The following FAF1 variants were observed in gnomAD, a reference collection of about 807,000 sequenced individuals.
FAF1 encodes FAS-associated factor 1.
Under a neutral mutation model 92.5 loss-of-function variants are expected in FAF1, and 25 were observed. That is an observed-to-expected ratio of 0.27 (90% CI 0.20 to 0.38). The LOEUF (loss-of-function observed/expected upper bound fraction) is 0.38. FAF1 is among the 10% of genes least tolerant of loss of function. FAF1 has a pLI of 1.00. For synonymous variants in FAF1, 234 were observed against 273.2 expected (o/e 0.86, Z 1.42); for missense variants, 636 against 793.3 (o/e 0.80, Z 2.38).
intron 15 of FAF1, among the ~76,000 whole-genome samples, chr1:50,511,915 T>C (rs931791570): frequency 2.6e-5 from 4 of 152,262 alleles, no homozygotes; most frequent in African/African-American, 7.2e-5. Context: ...TATTGTTCCC[T>C]GACTTTTTAA....
At position 50,711,463 on chromosome 1, in the gene FAF1, C is replaced by CTTT. The variant is rs1160668174; in HGVS notation, c.552-5575_552-5573dup. Among the ~76,000 whole-genome samples, 138 of 81,980 alleles carry CTTT rather than the reference C, an allele frequency of 1.7e-3. 1 individual carries two copies. The highest frequency in any genetic ancestry group is 0.01 in the Middle Eastern group (1 of 96). The allele number at this position is 81,980 out of a possible 152,430, so 53.8% of individuals were successfully genotyped here. A position where few individuals can be genotyped will look rare whatever the true frequency, so the allele number is the denominator to read the frequency against. On this transcript the variant is annotated intron_variant, in intron 6 of 18. Transcript: ENST00000396153. ...TTGTGCCTAATGTTATCCACACTGA[C>CTTT]TTTTTTTTTTTTTTTTTTTTTTTTG...
intron 2 of FAF1, among the ~76,000 whole-genome samples, chr1:50,817,201 T>C (rs998009859): frequency 7.9e-5 from 12 of 152,312 alleles, no homozygotes; most frequent in Non-Finnish European, 1.5e-4. Flanking sequence ...TGTATGTTCA[T>C]AGGAGCATTA....
At position 50,501,784 on chromosome 1, in the gene FAF1, G is replaced by A. The variant is rs143168205; in HGVS notation, c.1495-9983C>T. ...GTAAAACTACTTTGGAAAACACTTCGGCAGTTTGTTAGAAAGTTATGCATC... is the reference window on the plus strand; with the variant it reads ...GTAAAACTACTTTGGAAAACACTTCAGCAGTTTGTTAGAAAGTTATGCATC... On this transcript the variant is annotated intron_variant, in intron 15 of 18. Transcript: ENST00000396153. Among the ~76,000 whole-genome samples the A allele has an allele frequency of 7.9e-4, 121 of 152,228 alleles. 1 individual carries two copies. The Middle Eastern group carries it at 0.01, about 13-fold the overall frequency.
intron 1 of FAF1, among the ~76,000 whole-genome samples, chr1:50,867,256 A>G (rs530519300): frequency 3.3e-5 from 5 of 152,300 alleles, no homozygotes; most frequent in African/African-American, 1.2e-4. Context: ...TGGAAAAACT[A>G]TTCTTGACAT....
chr1:50,444,039 A>G (rs190623243), intron 18 of FAF1, among the ~76,000 whole-genome samples: 295 of 152,342 alleles, frequency 1.9e-3, no homozygotes, highest in Non-Finnish European at 3.5e-3. Context: ...GTGCCCTAAA[A>G]ATAAAATCAA....
At chr1:50,925,913 A>G (rs1340810942) in intron 1 of FAF1, among the ~76,000 whole-genome samples, 1 of 152,224 alleles carries the variant, frequency 6.6e-6, no homozygotes, top group African/African-American at 2.4e-5. Flanking sequence ...CTATTCCTCC[A>G]TGAAAAAGAA....
At chr1:50,786,487 G>C (rs1373181720) in intron 4 of FAF1, among the ~76,000 whole-genome samples, 1 of 152,228 alleles carries the variant, frequency 6.6e-6, no homozygotes, top group Admixed American at 6.5e-5. Flanking sequence ...AATGGGTACA[G>C]AGTTTCAGTT....
chr1:50,824,640 G>A (rs915697668), intron 2 of FAF1, among the ~76,000 whole-genome samples: 1 of 152,052 alleles, frequency 6.6e-6, no homozygotes, highest in Admixed American at 6.5e-5. Flanking sequence ...AGAGATAGTT[G>A]CACTCCTATG....
At chr1:50,719,280 CTTAA>C (rs1437305996) in intron 6 of FAF1, among the ~76,000 whole-genome samples, 1 of 152,170 alleles carries the variant, frequency 6.6e-6, no homozygotes, top group African/African-American at 2.4e-5. Context: ...TTACATCATT[CTTAA>C]TTAACACCCT....
intron 7 of FAF1, among the ~76,000 whole-genome samples, chr1:50,697,483 T>G (rs182649095): frequency 6.6e-6 from 1 of 152,200 alleles, no homozygotes; most frequent in Non-Finnish European, 1.5e-5. Context: ...ATTGATCCTA[T>G]GTCTGTCTGT....
intron 15 of FAF1, among the ~76,000 whole-genome samples, chr1:50,530,549 A>C (rs1421790937): frequency 6.6e-6 from 1 of 152,004 alleles, no homozygotes; most frequent in Non-Finnish European, 1.5e-5. Context: ...AATAGAAAGA[A>C]TGAATAAAGC....
At chr1:50,802,332 C>T (rs954126038) in intron 2 of FAF1, among the ~76,000 whole-genome samples, 1 of 152,224 alleles carries the variant, frequency 6.6e-6, no homozygotes, top group South Asian at 2.1e-4. Flanking sequence ...TCAGGTGATC[C>T]ACCCGCCTCG....
chr1:50,606,858 TG>T (rs1652453831), intron 8 of FAF1: 1 of 152,124 alleles, frequency 6.6e-6, no homozygotes, highest in African/African-American at 2.4e-5. Flanking sequence ...TGCTTACGAC[TG>T]GGAATTTCGA....
At chr1:50,738,778 T>G in intron 6 of FAF1, 85 bp downstream of exon 6, 2 of 835,020 alleles carry the variant, frequency 2.4e-6, no homozygotes, top group Non-Finnish European at 3.9e-6. Flanking sequence ...GTATTTGATT[T>G]AATTTTGAGG....
intron 18 of FAF1, among the ~76,000 whole-genome samples, chr1:50,443,503 G>T (rs1362886431): frequency 1.3e-5 from 2 of 152,166 alleles, no homozygotes; most frequent in Non-Finnish European, 2.9e-5. Context: ...AGCTCAAAGT[G>T]GTTACCACTT....
chr1:50,774,739 T>C (rs1660894130), intron 4 of FAF1, among the ~76,000 whole-genome samples: 1 of 152,130 alleles, frequency 6.6e-6, no homozygotes, highest in African/African-American at 2.4e-5. Flanking sequence ...GTTAAATCCA[T>C]TGCTAGATCT....
At chr1:50,773,366 TG>T (rs1288372477) in intron 4 of FAF1, among the ~76,000 whole-genome samples, 57 of 152,322 alleles carry the variant, frequency 3.7e-4, no homozygotes, top group Non-Finnish European at 3.5e-4. Context: ...GTTGAAGAGA[TG>T]TCTGCACTTC....
intron 1 of FAF1, among the ~76,000 whole-genome samples, chr1:50,910,457 T>C (rs2124721071): frequency 6.6e-6 from 1 of 152,276 alleles, no homozygotes; most frequent in South Asian, 2.1e-4. Flanking sequence ...CTGATGCCTT[T>C]TGTTCAACTG....
At chr1:50,818,857 A>G (rs531997748) in intron 2 of FAF1, among the ~76,000 whole-genome samples, 1 of 152,256 alleles carries the variant, frequency 6.6e-6, no homozygotes, top group South Asian at 2.1e-4. Flanking sequence ...AAAAAAAAGA[A>G]ATCTTGGAGA....
Sources: gnomAD v4.1 joint callset for allele counts (sites outside exome capture counted in the v4.1 genomes callset) on GRCh38, gnomAD v4.1.1 for gene constraint, MANE v1.5 for transcripts, NCBI Gene and HGNC (gene_info 2026-07-23, HGNC 2026-07-21) for gene names.